Variants in OSER1 observed in about 807,000 individuals in gnomAD.
OSER1 encodes the protein oxidative stress-responsive serine-rich protein 1.
In OSER1, 15 loss-of-function variants were observed where a neutral mutation model predicts 26.3. The ratio of observed to expected loss-of-function variants is 0.57; its 90% CI spans 0.38 to 0.88. The LOEUF (loss-of-function observed/expected upper bound fraction) is 0.88, where lower values mean the gene tolerates loss of function less well. OSER1 is among the 40% of genes least tolerant of loss of function. The probability of loss-of-function intolerance (pLI) is 0.00; values close to 1 mark genes in which losing one functional copy is unlikely to be tolerated. For synonymous variants in OSER1, 127 were observed against 128.2 expected (o/e 0.99, Z 0.07); for missense variants, 313 against 353.9 (o/e 0.88, Z 0.93).
At position 44,197,210 on chromosome 20, in the gene OSER1, G is replaced by C; in HGVS notation, c.721C>G (p.Leu241Val). The C allele has an allele frequency of 6.2e-7, 1 of 1,614,222 alleles. No homozygotes were observed. The highest frequency in any genetic ancestry group is 8.5e-7 in the Non-Finnish European group (1 of 1,180,022). The change falls in exon 4 of 4, where the codon CTG (leucine) becomes GTG (valine). Residue 241 changes from leucine (L) to valine (V), a missense_variant. Physicochemically the swap from Leu to Val is conservative, Grantham distance 32. This residue lies in a region of OSER1 where 300 missense variants were observed against 318.3 expected (regional missense o/e 0.94). Coordinates refer to ENST00000255174, the MANE Select transcript of OSER1 (RefSeq NM_016470.8). ...RSTLEDYSQS[L>V]HARTLSGSPR... Reference sequence around the variant, plus strand: ...GAGCCAGACAGAGTTCTGGCGTGCAGCGACTGAGAGTAGTCCTCAAGTGTG... The same window carrying C: ...GAGCCAGACAGAGTTCTGGCGTGCACCGACTGAGAGTAGTCCTCAAGTGTG...
At position 44,203,091 on chromosome 20, in the gene OSER1, A is replaced by C. The variant is rs2145928893; in HGVS notation, c.78-17T>G. 7.3e-7 allele frequency: 1 copy of C among 1,360,836 alleles called. No individual in the cohort carries two copies. Among genetic ancestry groups the C allele is most frequent in the East Asian group, 2.3e-5 (1 of 43,660 alleles). 84.3% of individuals were successfully genotyped at this position (1,360,836 alleles called of 1,614,324 possible). On this transcript the variant is annotated splice_polypyrimidine_tract_variant and intron_variant, in intron 2 of 3. Transcript: ENST00000255174. ...GCTACAGACCTGAAGACAAGAACAA[A>C]GTTTACAGCTACAAAAAACTGTAAA...
chr20:44,208,259 CAT>C (rs544155302), intron 1 of OSER1, among the ~76,000 whole-genome samples: 64 of 152,022 alleles, frequency 4.2e-4, no homozygotes, highest in African/African-American at 1.5e-3. Context: ...GTCAAGGTGT[CAT>C]AATGTTTGAT....
upstream of OSER1, chr20:44,210,988 T>G (rs1195143168): frequency 3.9e-5 from 6 of 152,296 alleles, no homozygotes; most frequent in Admixed American, 2.0e-4. Context: ...TTACGTAATT[T>G]CCTGTTATTC....
At chr20:44,201,901 G>A (rs1011801371) in intron 3 of OSER1, among the ~76,000 whole-genome samples, 1 of 151,912 alleles carries the variant, frequency 6.6e-6, no homozygotes, top group Non-Finnish European at 1.5e-5. Context: ...GAAAAAAGCA[G>A]GACAAATAAA....
intron 2 of OSER1, among the ~76,000 whole-genome samples, chr20:44,203,495 A>G (rs983413019): frequency 6.6e-6 from 1 of 152,230 alleles, no homozygotes; most frequent in Admixed American, 6.5e-5. Flanking sequence ...ACTTTTAGAA[A>G]AATATTCTAA....
intron 2 of OSER1, 54 bp from the exon 3 acceptor site, chr20:44,203,128 AT>A: frequency 1.5e-5 from 14 of 931,178 alleles, no homozygotes; most frequent in Non-Finnish European, 2.5e-5. Flanking sequence ...TGAGGAGAAC[AT>A]ATTGTTCTCA....
At chr20:44,203,598 GAA>G (rs1297669408) in intron 2 of OSER1, among the ~76,000 whole-genome samples, 1 of 151,828 alleles carries the variant, frequency 6.6e-6, no homozygotes, top group Non-Finnish European at 1.5e-5. Flanking sequence ...TAAAGAACGT[GAA>G]AAAATCTAAA....
chr20:44,206,051 T>C (rs1489120675), intron 2 of OSER1, among the ~76,000 whole-genome samples: 1 of 152,128 alleles, frequency 6.6e-6, no homozygotes, highest in Non-Finnish European at 1.5e-5. Context: ...GTAATTTAAT[T>C]TGTGTGAGTC....
In OSER1 at chr20:44,197,121, T is replaced by C. The variant is rs2072926635; in HGVS notation, c.810A>G (p.Ser270=). 6.2e-7 allele frequency: 1 copy of C among 1,613,906 alleles called. No homozygotes were observed. Among genetic ancestry groups the C allele is most frequent in the Admixed American group, 1.7e-5 (1 of 60,014 alleles). The part of the protein sequence containing the change: ...FVDDVTIEDL[S]GYMEYYLYIP... ...TATACAAGTAATACTCCATGTAGCC[T>C]GACAGGTCCTCAATGGTCACATCAT... The change falls in exon 4 of 4, where the codon TCA becomes TCG. Residue 270 remains serine, a synonymous_variant. Coordinates refer to ENST00000255174, the MANE Select transcript of OSER1 (RefSeq NM_016470.8).
chr20:44,196,307 AAAAAACC>A lies in OSER1; in HGVS notation c.*738_*744del, dbSNP rs2072918382. On this transcript the variant is annotated 3_prime_UTR_variant, in exon 4 of 4. Coordinates refer to ENST00000255174, the MANE Select transcript of OSER1 (RefSeq NM_016470.8). Reference sequence around the variant, plus strand: ...TACAACTGATAACAAAAAAAAAAAAAAAAAACCGCCATATATTTAAAATGCTGGAGAT... The same window carrying A: ...TACAACTGATAACAAAAAAAAAAAAAGCCATATATTTAAAATGCTGGAGAT... 2.1e-5 allele frequency among the ~76,000 whole-genome samples: 3 copies of A among 144,242 alleles called. No homozygotes were observed. Among genetic ancestry groups the A allele is most frequent in the African/African-American group, 8.2e-5 (3 of 36,394 alleles). The allele number at this position is 144,242 out of a possible 152,430, so 94.6% of individuals were successfully genotyped here.
chr20:44,206,563 G>A (rs986633235), intron 2 of OSER1, among the ~76,000 whole-genome samples: 3 of 152,156 alleles, frequency 2.0e-5, no homozygotes, highest in Non-Finnish European at 1.5e-5. Context: ...TGAGATGTAT[G>A]ATAAAATCCC....
Position 44,207,008 on chromosome 20 carries a change from A to G in OSER1, c.-41-10T>C. ...GATGTTCCTGTTTACACTAAAAAAGAAAATAAAGTGAGCAAAGTAAAAACA... is the reference window on the plus strand; with the variant it reads ...GATGTTCCTGTTTACACTAAAAAAGGAAATAAAGTGAGCAAAGTAAAAACA... On this transcript the variant is annotated splice_polypyrimidine_tract_variant and intron_variant, in intron 1 of 3. Coordinates refer to ENST00000255174, the MANE Select transcript of OSER1 (RefSeq NM_016470.8). The G allele has an allele frequency of 7.3e-7, 1 of 1,362,704 alleles. No homozygotes were observed. Among genetic ancestry groups the G allele is most frequent in the Non-Finnish European group, 1.0e-6 (1 of 958,724 alleles). 84.4% of individuals were successfully genotyped at this position (1,362,704 alleles called of 1,614,324 possible). A position where few individuals can be genotyped will look rare whatever the true frequency, so the allele number is the denominator to read the frequency against.
intron 3 of OSER1, among the ~76,000 whole-genome samples, chr20:44,198,168 A>C (rs1230757527): frequency 6.6e-6 from 1 of 152,172 alleles, no homozygotes; most frequent in Non-Finnish European, 1.5e-5. Context: ...AACGTTACAA[A>C]TGACCATTAT....
At chr20:44,207,020 G>A (rs756532916) in intron 1 of OSER1, 22 bp from the exon 2 acceptor site, 14 of 1,237,556 alleles carry the variant, frequency 1.1e-5, no homozygotes, top group Non-Finnish European at 1.6e-5. Flanking sequence ...AATAAAGTGA[G>A]CAAAGTAAAA....
intron 1 of OSER1, 103 bp from the exon 2 acceptor site, chr20:44,207,101 G>A: frequency 1.7e-6 from 1 of 578,848 alleles, no homozygotes; most frequent in Non-Finnish European, 3.1e-6. Flanking sequence ...ATTTCAAAAA[G>A]GAAGTTTCAG....
intron 2 of OSER1, among the ~76,000 whole-genome samples, chr20:44,205,007 C>T (rs1239729640): frequency 1.3e-5 from 2 of 151,888 alleles, no homozygotes; most frequent in Admixed American, 6.6e-5. Flanking sequence ...CTAGCTAATT[C>T]TTTGTTTTTT....
chr20:44,197,299 TC>T lies in OSER1; in HGVS notation c.631del (p.Asp211IlefsTer54), dbSNP rs1199422443. 1 of 1,614,098 alleles carries T rather than the reference TC, an allele frequency of 6.2e-7. No individual in the cohort carries two copies. ...GKECQCKRWH[D>X]MEVYSFSGLQ... ...GCCTGAAAAGGAATACACTTCCATA[TC>T]ATGCCATCTCTTACACTGGCATTCC... On this transcript the variant is annotated frameshift_variant, in exon 4 of 4. Transcript: ENST00000255174. LOFTEE classifies it high-confidence loss of function.
chr20:44,208,863 T>C (rs1217642469), intron 1 of OSER1, among the ~76,000 whole-genome samples: 1 of 152,226 alleles, frequency 6.6e-6, no homozygotes, highest in Non-Finnish European at 1.5e-5. Flanking sequence ...CCAAGTCCTC[T>C]TTAGCCCTCT....
At chr20:44,203,694 T>TCACACACACACACACA (rs139060435) in intron 2 of OSER1, among the ~76,000 whole-genome samples, 4 of 145,362 alleles carry the variant, frequency 2.8e-5, no homozygotes, top group African/African-American at 1.0e-4. Flanking sequence ...CAGACTTTTT[T>TCACACACACACACACA]CACACACACA....
Sources: allele counts gnomAD v4.1 joint callset (sites outside exome capture counted in the v4.1 genomes callset), GRCh38; gene constraint gnomAD v4.1.1; regional missense constraint gnomAD v4.1.1; transcripts MANE v1.5; gene names NCBI Gene and HGNC (gene_info 2026-07-23, HGNC 2026-07-21).